DCC: variants seen among roughly 807,000 people sequenced by gnomAD.
DCC encodes DCC netrin 1 receptor.
DCC carries 58 observed loss-of-function variants against 172.5 expected under a neutral mutation model. The observed-to-expected ratio is 0.34, with a 90% CI of 0.27 to 0.42. The LOEUF (loss-of-function observed/expected upper bound fraction) is 0.42. Ranked by LOEUF, DCC falls within the 10% of genes least tolerant of loss-of-function variation. The pLI is 1.00. For synonymous variants in DCC, 709 were observed against 644.5 expected (o/e 1.10, Z -1.52); for missense variants, 1,740 against 1,791.0 (o/e 0.97, Z 0.51).
At chr18:52,602,135 C>A (rs764307386) in intron 1 of DCC, among the ~76,000 whole-genome samples, 9 of 151,886 alleles carry the variant, frequency 5.9e-5, no homozygotes, top group Admixed American at 6.6e-5. Flanking sequence ...TATTTATAAT[C>A]CTAAAGAGAG....
intron 5 of DCC, among the ~76,000 whole-genome samples, chr18:52,947,070 T>A (rs2040559889): frequency 2.6e-5 from 4 of 152,128 alleles, no homozygotes; most frequent in South Asian, 4.1e-4. Flanking sequence ...CTCCTCTGAG[T>A]GGCAGTTAAC....
At chr18:53,301,247 G>A (rs561234973) in intron 12 of DCC, among the ~76,000 whole-genome samples, 72 of 151,468 alleles carry the variant, frequency 4.8e-4, no homozygotes, top group Admixed American at 1.7e-3. Context: ...GCGCTACCAC[G>A]CCTGGCTAAT....
At chr18:53,498,334 A>G (rs1438600694) in intron 26 of DCC, among the ~76,000 whole-genome samples, 3 of 152,208 alleles carry the variant, frequency 2.0e-5, no homozygotes, top group Non-Finnish European at 2.9e-5. Flanking sequence ...ATTATCTTAT[A>G]TCACTGCATT....
At chr18:53,284,163 C>T (rs945568010) in intron 12 of DCC, among the ~76,000 whole-genome samples, 1 of 152,128 alleles carries the variant, frequency 6.6e-6, no homozygotes, top group Non-Finnish European at 1.5e-5. Flanking sequence ...CAGGCTTAGA[C>T]CCATGTTTTG....
intron 5 of DCC, among the ~76,000 whole-genome samples, chr18:52,933,871 T>C (rs1165078293): frequency 6.6e-6 from 1 of 152,032 alleles, no homozygotes; most frequent in South Asian, 2.1e-4. Context: ...TATTCGTTTG[T>C]AAAACAATGA....
At chr18:52,965,060 G>C (rs2040907342) in intron 5 of DCC, 1 of 152,086 alleles carries the variant, frequency 6.6e-6, no homozygotes, top group South Asian at 2.1e-4. Context: ...AGGCCACCCA[G>C]ATAATCCAGG....
At chr18:53,101,724 G>GT (rs2043174296) in intron 7 of DCC, among the ~76,000 whole-genome samples, 1 of 152,044 alleles carries the variant, frequency 6.6e-6, no homozygotes. Flanking sequence ...CTGAGACACA[G>GT]TTTGTCTTTA....
At chr18:52,674,596 A>C (rs1027630476) in intron 1 of DCC, among the ~76,000 whole-genome samples, 1 of 152,212 alleles carries the variant, frequency 6.6e-6, no homozygotes, top group Non-Finnish European at 1.5e-5. Flanking sequence ...CACAAGCACA[A>C]CATATGGAGT....
intron 12 of DCC, among the ~76,000 whole-genome samples, chr18:53,252,590 A>G (rs745417927): frequency 5.9e-5 from 9 of 151,960 alleles, no homozygotes; most frequent in Non-Finnish European, 1.2e-4. Flanking sequence ...GTGCTAGACC[A>G]AGCAATAGCA....
intron 1 of DCC, among the ~76,000 whole-genome samples, chr18:52,533,175 C>T (rs1162285031): frequency 6.6e-6 from 1 of 152,098 alleles, no homozygotes; most frequent in Non-Finnish European, 1.5e-5. Flanking sequence ...ATCACCATAG[C>T]ACAATATTAT....
intron 2 of DCC, among the ~76,000 whole-genome samples, chr18:52,764,920 A>G (rs906277545): frequency 6.6e-6 from 1 of 152,176 alleles, no homozygotes; most frequent in African/African-American, 2.4e-5. Context: ...CAGACCCCAT[A>G]GAGTCACATC....
At chr18:52,385,966 G>T (rs1488652528) in intron 1 of DCC, among the ~76,000 whole-genome samples, 6 of 152,172 alleles carry the variant, frequency 3.9e-5, no homozygotes, top group Admixed American at 1.3e-4. Context: ...TGCTGAGCAT[G>T]ATATATAGAT....
intron 3 of DCC, among the ~76,000 whole-genome samples, chr18:52,909,772 A>C (rs2039942780): frequency 6.6e-6 from 1 of 152,178 alleles, no homozygotes; most frequent in Non-Finnish European, 1.5e-5. Flanking sequence ...GTTTGCTAGG[A>C]ATGAAATGTT....
At chr18:52,814,221 G>A (rs2038249320) in intron 2 of DCC, among the ~76,000 whole-genome samples, 1 of 152,206 alleles carries the variant, frequency 6.6e-6, no homozygotes, top group African/African-American at 2.4e-5. Flanking sequence ...TCAAGCACAA[G>A]GTCAACCTCA....
intron 12 of DCC, among the ~76,000 whole-genome samples, chr18:53,241,376 C>A (rs1167154910): frequency 6.6e-6 from 1 of 152,122 alleles, no homozygotes; most frequent in African/African-American, 2.4e-5. Context: ...AGAACACACC[C>A]ATTCTCCCCA....
At chr18:53,374,141 TTTAAATTTGAATGAA>T (rs2058087091) in intron 15 of DCC, among the ~76,000 whole-genome samples, 1 of 152,178 alleles carries the variant, frequency 6.6e-6, no homozygotes, top group African/African-American at 2.4e-5. Flanking sequence ...TATATGGCTA[TTTAAATTTGAATGAA>T]TTAAATAAAA....
chr18:52,832,853 G>T (rs1381701553), intron 2 of DCC, among the ~76,000 whole-genome samples: 1 of 152,074 alleles, frequency 6.6e-6, no homozygotes, highest in Non-Finnish European at 1.5e-5. Context: ...TACTAATGTA[G>T]TAAGCAAGGC....
At chr18:52,869,617 A>C (rs2039285733) in intron 2 of DCC, among the ~76,000 whole-genome samples, 1 of 152,174 alleles carries the variant, frequency 6.6e-6, no homozygotes, top group South Asian at 2.1e-4. Context: ...CATGGCACCC[A>C]GACTGCTCAT....
chr18:52,421,808 G>T (rs778350746), intron 1 of DCC, among the ~76,000 whole-genome samples: 16 of 152,230 alleles, frequency 1.1e-4, no homozygotes, highest in Admixed American at 6.6e-4. Context: ...TATTTGTTTG[G>T]TTTGTTTTGT....
Sources: allele counts gnomAD v4.1 joint callset (sites outside exome capture counted in the v4.1 genomes callset), GRCh38; gene constraint gnomAD v4.1.1; transcripts MANE v1.5; gene names NCBI Gene and HGNC (gene_info 2026-07-23, HGNC 2026-07-21).